TFAP2A: variants seen among roughly 807,000 people sequenced by gnomAD.
The protein encoded by TFAP2A is transcription factor AP-2 alpha, also known as transcription factor AP-2-alpha.
Under a neutral mutation model 41.5 loss-of-function variants are expected in TFAP2A, and 7 were observed. The ratio of observed to expected loss-of-function variants is 0.17; its 90% CI spans 0.10 to 0.32. TFAP2A has a LOEUF of 0.32. TFAP2A is among the 10% of genes least tolerant of loss of function. The probability of loss-of-function intolerance (pLI) is 1.00; values close to 1 mark genes in which losing one functional copy is unlikely to be tolerated. For missense variants in TFAP2A, 416 were observed against 563.3 expected (o/e 0.74, Z 2.65); for synonymous variants, 247 against 242.8 (o/e 1.02, Z -0.16).
At chr6:10,403,886 G>A (rs1757540393) in intron 4 of TFAP2A, among the ~76,000 whole-genome samples, 1 of 152,176 alleles carries the variant, frequency 6.6e-6, no homozygotes, top group South Asian at 2.1e-4. Flanking sequence ...GCACACATCA[G>A]GGCCTCAGTA....
At chr6:10,411,459 T>C in intron 1 of TFAP2A, 2 of 1,585,688 alleles carry the variant, frequency 1.3e-6, no homozygotes, top group Non-Finnish European at 1.7e-6. Context: ...GGAGAGGGTG[T>C]CCTGAAGGAA....
rs1762046426 is a variant in TFAP2A at position 10,402,449 on chromosome 6, C to T, written c.889+43G>A. Reference sequence around the variant, plus strand: ...CTGGCCACTAAATATTATCCATTTTCCAAGAAGGAAGTTCCTTCTAGTTAG... The same window carrying T: ...CTGGCCACTAAATATTATCCATTTTTCAAGAAGGAAGTTCCTTCTAGTTAG... On this transcript the variant is annotated intron_variant, in intron 5 of 6. Transcript: ENST00000379613. 2.8e-6 allele frequency: 4 copies of T among 1,413,678 alleles called. No individual in the cohort carries two copies. The African/African-American group carries it at 5.6e-5, about 20-fold the overall frequency. The allele number at this position is 1,413,678 out of a possible 1,614,324, so 87.6% of individuals were successfully genotyped here. A position where few individuals can be genotyped will look rare whatever the true frequency, so the allele number is the denominator to read the frequency against.
intron 4 of TFAP2A, 112 bp downstream of exon 4, chr6:10,404,396 G>A: frequency 4.4e-6 from 3 of 682,526 alleles, no homozygotes; most frequent in Non-Finnish European, 6.2e-6. Context: ...CCTTTCCCGC[G>A]TAGGGAGGGC....
At chr6:10,419,552 C>T (rs1475178777), upstream of TFAP2A, 2 of 1,451,662 alleles carry the variant, frequency 1.4e-6, no homozygotes, top group African/African-American at 1.4e-5. Context: ...TCCTTTTTTA[C>T]CTGCTCACCA....
chr6:10,408,464 A>G, intron 2 of TFAP2A, among the ~76,000 whole-genome samples: 1 of 152,238 alleles, frequency 6.6e-6, no homozygotes, highest in East Asian at 1.9e-4. Flanking sequence ...ATATTTTCAA[A>G]GAACAAGCAA....
upstream of TFAP2A, chr6:10,419,539 T>C: frequency 1.3e-6 from 2 of 1,546,964 alleles, no homozygotes; most frequent in East Asian, 2.2e-5. Flanking sequence ...CTTAGGCAAA[T>C]CCTCCTTTTT....
intron 3 of TFAP2A, chr6:10,406,380 C>A: frequency 4.9e-6 from 1 of 203,754 alleles, no homozygotes; most frequent in Non-Finnish European, 1.0e-5. Context: ...TTTTCCTCTA[C>A]TAAAGAGTGC....
chr6:10,411,774 C>T (rs909731709), intron 1 of TFAP2A: 147 of 1,464,532 alleles, frequency 1.0e-4, no homozygotes, highest in Non-Finnish European at 1.3e-4. Context: ...TCGGATCCAT[C>T]CGAACTTGAA....
intron 5 of TFAP2A, among the ~76,000 whole-genome samples, chr6:10,401,364 G>A (rs529582684): frequency 6.6e-6 from 1 of 152,218 alleles, no homozygotes; most frequent in African/African-American, 2.4e-5. Flanking sequence ...AGTATGAATA[G>A]TGGGTTCTCT....
chr6:10,419,409 C>T, upstream of TFAP2A: 1 of 1,614,038 alleles, frequency 6.2e-7, no homozygotes, highest in Non-Finnish European at 8.5e-7. Flanking sequence ...CAAGGCAAAC[C>T]CCCCGTACCT....
intron 1 of TFAP2A, chr6:10,411,693 G>A (rs1757977838): frequency 6.3e-7 from 1 of 1,593,042 alleles, no homozygotes; most frequent in Non-Finnish European, 8.5e-7. Context: ...CACACAAAAG[G>A]CGCCGAGAGC....
At chr6:10,403,184 G>A (rs1757497077) in intron 4 of TFAP2A, among the ~76,000 whole-genome samples, 1 of 152,232 alleles carries the variant, frequency 6.6e-6, no homozygotes, top group African/African-American at 2.4e-5. Flanking sequence ...CAGAGACAAT[G>A]GAGGCAGTTC....
At position 10,404,133 on chromosome 6, in the gene TFAP2A, G is replaced by A. The variant is rs1437271146; in HGVS notation, c.770+375C>T. ...TTTCCTGGGCTTGCAAGGTGTGCGCGAAGAGGGAAAAGGTGGCTGTACGGC... is the reference window on the plus strand; with the variant it reads ...TTTCCTGGGCTTGCAAGGTGTGCGCAAAGAGGGAAAAGGTGGCTGTACGGC... On this transcript the variant is annotated intron_variant, in intron 4 of 6. Coordinates refer to ENST00000379613, the MANE Select transcript of TFAP2A (RefSeq NM_001372066.1). Among the ~76,000 whole-genome samples the A allele has an allele frequency of 3.3e-5, 5 of 152,250 alleles. No homozygotes were observed. In the East Asian group the frequency reaches 9.6e-4, roughly 29 times the overall value.
chr6:10,408,712 A>G (rs1194979756), intron 2 of TFAP2A, among the ~76,000 whole-genome samples: 2 of 152,236 alleles, frequency 1.3e-5, no homozygotes, highest in Admixed American at 6.5e-5. Context: ...GCTGCTAAAC[A>G]TAACCAACAA....
intron 1 of TFAP2A, chr6:10,411,914 G>A: frequency 8.2e-7 from 1 of 1,226,346 alleles, no homozygotes; most frequent in Non-Finnish European, 1.0e-6. Flanking sequence ...ATGTGTGAGT[G>A]TGTGGGTGCG....
At chr6:10,412,781 T>C in intron 1 of TFAP2A, 1 of 222,232 alleles carries the variant, frequency 4.5e-6, no homozygotes, top group Non-Finnish European at 9.3e-6. Context: ...GGCTCCTCCA[T>C]GACCCGGCGC....
rs1757490933 is a variant in TFAP2A at position 10,403,070 on chromosome 6, T to C, written c.771-460A>G. 5.3e-5 allele frequency among the ~76,000 whole-genome samples: 8 copies of C among 152,374 alleles called. No homozygotes were observed. In the South Asian group the frequency reaches 1.7e-3, roughly 32 times the overall value. On this transcript the variant is annotated intron_variant, in intron 4 of 6. Transcript: ENST00000379613. ...ACTCTCACGTTTCTTGCTCTGGCTCTAGCCCCAAAGGGAAATTCGTTTCGC... is the reference window on the plus strand; with the variant it reads ...ACTCTCACGTTTCTTGCTCTGGCTCCAGCCCCAAAGGGAAATTCGTTTCGC...
intron 1 of TFAP2A, chr6:10,412,455 GAGGA>G (rs1346721234): frequency 1.3e-5 from 2 of 151,350 alleles, no homozygotes; most frequent in African/African-American, 2.7e-5. Flanking sequence ...AGCCCGAGAG[GAGGA>G]AGGGAGGGAA....
chr6:10,412,147 G>T (rs1324896979), intron 1 of TFAP2A: 3 of 990,882 alleles, frequency 3.0e-6, no homozygotes, highest in Non-Finnish European at 3.6e-6. Context: ...CCATTGACGG[G>T]AGTCTCAGTG....
Sources: gnomAD v4.1 joint callset for allele counts (sites outside exome capture counted in the v4.1 genomes callset) on GRCh38, gnomAD v4.1.1 for gene constraint, MANE v1.5 for transcripts, NCBI Gene and HGNC (gene_info 2026-07-23, HGNC 2026-07-21) for gene names.